UGT1A9: variants seen among roughly 807,000 people sequenced by gnomAD.
The protein encoded by UGT1A9 is UDP glucuronosyltransferase family 1 member A9.
In UGT1A9, 35 loss-of-function variants were observed where a neutral mutation model predicts 45.0. That is an observed-to-expected ratio of 0.78 (90% CI 0.59 to 1.03). The LOEUF (loss-of-function observed/expected upper bound fraction) is 1.03. Among genes scored for constraint, UGT1A9 ranks in the 50% least tolerant of loss-of-function variants. The probability of loss-of-function intolerance (pLI) is 0.00; values close to 1 mark genes in which losing one functional copy is unlikely to be tolerated. For synonymous variants in UGT1A9, 278 were observed against 250.6 expected, an observed-to-expected ratio of 1.11 and a Z score of -1.03; for missense variants, 687 against 666.6, an observed-to-expected ratio of 1.03 and a Z score of -0.34.
intron 1 of UGT1A9, among the ~76,000 whole-genome samples, chr2:233,715,001 C>G (rs1309641293): frequency 6.6e-6 from 1 of 152,178 alleles, no homozygotes; most frequent in Admixed American, 6.5e-5. Context: ...CTCAGCCTCC[C>G]AAGTAGCTGG....
chr2:233,732,318 G>A (rs1386419482), intron 1 of UGT1A9, among the ~76,000 whole-genome samples: 3 of 152,170 alleles, frequency 2.0e-5, no homozygotes, highest in African/African-American at 7.2e-5. Flanking sequence ...GTCTATTTTG[G>A]CTTTTGTTGC....
At chr2:233,759,132 G>A (rs532304308) in intron 1 of UGT1A9, among the ~76,000 whole-genome samples, 12 of 152,322 alleles carry the variant, frequency 7.9e-5, no homozygotes, top group Non-Finnish European at 1.8e-4. Context: ...CCTCTGGTAC[G>A]CAATGAAGGT....
At chr2:233,684,747 A>G (rs1371238360) in intron 1 of UGT1A9, among the ~76,000 whole-genome samples, 1 of 152,136 alleles carries the variant, frequency 6.6e-6, no homozygotes, top group Non-Finnish European at 1.5e-5. Context: ...TATAATTATC[A>G]AAGAAGAATT....
At chr2:233,762,292 A>G (rs1037418079) in intron 1 of UGT1A9, among the ~76,000 whole-genome samples, 1 of 152,236 alleles carries the variant, frequency 6.6e-6, no homozygotes, top group Non-Finnish European at 1.5e-5. Context: ...GAAAGGTGCC[A>G]ACCGAGGTCT....
At chr2:233,762,564 C>T (rs537495402) in intron 1 of UGT1A9, among the ~76,000 whole-genome samples, 6 of 152,312 alleles carry the variant, frequency 3.9e-5, no homozygotes, top group African/African-American at 1.4e-4. Context: ...GAGATCTAGT[C>T]TAGTTCCCCA....
chr2:233,750,907 A>G (rs908558459), intron 1 of UGT1A9, among the ~76,000 whole-genome samples: 1 of 151,862 alleles, frequency 6.6e-6, no homozygotes, highest in Non-Finnish European at 1.5e-5. Flanking sequence ...TCTGCTAGAG[A>G]AGGGTGGTAA....
chr2:233,735,646 T>C (rs1050886537), intron 1 of UGT1A9, among the ~76,000 whole-genome samples: 1 of 152,236 alleles, frequency 6.6e-6, no homozygotes, highest in South Asian at 2.1e-4. Flanking sequence ...CAGTGGCTGG[T>C]ACTGGTGTTT....
At chr2:233,718,793 C>T in intron 1 of UGT1A9, 2 of 1,613,146 alleles carry the variant, frequency 1.2e-6, no homozygotes, top group Non-Finnish European at 1.7e-6. Flanking sequence ...GTGGGGTGGA[C>T]AGTCAGCTGT....
At chr2:233,765,047 G>T (rs1698737192) in intron 1 of UGT1A9, among the ~76,000 whole-genome samples, 1 of 151,990 alleles carries the variant, frequency 6.6e-6, no homozygotes, top group Non-Finnish European at 1.5e-5. Context: ...AATTGCGTTT[G>T]CTGAGCCCTG....
intron 1 of UGT1A9, among the ~76,000 whole-genome samples, chr2:233,727,837 G>A (rs564392450): frequency 6.6e-6 from 1 of 152,316 alleles, no homozygotes; most frequent in Non-Finnish European, 1.5e-5. Context: ...TGTTATCAAT[G>A]TGGAGTAATT....
chr2:233,754,982 G>A (rs777457239), intron 1 of UGT1A9: 2 of 1,295,872 alleles, frequency 1.5e-6, no homozygotes, highest in African/African-American at 3.0e-5. Flanking sequence ...AGACCTCGGC[G>A]GGGTCACGGA....
chr2:233,713,285 A>G lies in UGT1A9; in HGVS notation c.855+40496A>G, dbSNP rs762192447. 2.5e-6 allele frequency: 4 copies of G among 1,614,230 alleles called. 1 individual carries two copies. Among genetic ancestry groups the G allele is most frequent in the South Asian group, 2.2e-5 (2 of 91,084 alleles). ...ATCGCCTTTTGCTGGGTCACACTCA[A>G]TCGTTCTTTGAAACAGAACATCTTC... On this transcript the variant is annotated intron_variant, in intron 1 of 4. Transcript: ENST00000354728.
chr2:233,754,088 A>G (rs1438865323), intron 1 of UGT1A9, among the ~76,000 whole-genome samples: 2 of 152,224 alleles, frequency 1.3e-5, no homozygotes, highest in Non-Finnish European at 2.9e-5. Context: ...TTTTATCTAA[A>G]TAATGGTCAA....
chr2:233,767,992 C>T, intron 3 of UGT1A9, 56 bp downstream of exon 3: 1 of 1,614,084 alleles, frequency 6.2e-7, no homozygotes, highest in South Asian at 1.1e-5. Flanking sequence ...AAGAAAATGG[C>T]TTAAGCACAG....
At chr2:233,712,852 G>A (rs2076258090) in intron 1 of UGT1A9, 16 of 1,544,082 alleles carry the variant, frequency 1.0e-5, no homozygotes, top group Non-Finnish European at 1.4e-5. Context: ...CGGGTAATAA[G>A]TAACTGGAGG....
chr2:233,693,345 A>G (rs1317814742), intron 1 of UGT1A9: 1 of 1,614,210 alleles, frequency 6.2e-7, no homozygotes, highest in East Asian at 2.2e-5. Flanking sequence ...GAGTACAGGA[A>G]TAACATGATT....
chr2:233,712,754 C>G (rs910147754), intron 1 of UGT1A9, among the ~76,000 whole-genome samples: 49 of 151,866 alleles, frequency 3.2e-4, no homozygotes, highest in Admixed American at 2.4e-3. Context: ...TTCCCCAGAG[C>G]GAGCGCAAGG....
At chr2:233,760,382 T>G (rs1697426202) in intron 1 of UGT1A9, 1 of 1,614,082 alleles carries the variant, frequency 6.2e-7, no homozygotes, top group African/African-American at 1.3e-5. Context: ...AAGATACTGT[T>G]GATCCCAGTG....
In UGT1A9 at chr2:233,725,005, C is replaced by T. The variant is rs1205607932; in HGVS notation, c.856-42029C>T. 3.6e-4 allele frequency among the ~76,000 whole-genome samples: 53 copies of T among 147,398 alleles called. 3 individuals carry two copies. The highest frequency in any genetic ancestry group is 1.3e-3 in the African/African-American group (50 of 39,416). The stretch of plus-strand genomic sequence containing the variant: ...CGCGGTTAGGGGCTGGAGACCGGCC[C>T]GGCCAAACAGCAAAACCCGGTCTCC... On this transcript the variant is annotated intron_variant, in intron 1 of 4. Transcript: ENST00000354728.
Sources: allele counts gnomAD v4.1 joint callset (sites outside exome capture counted in the v4.1 genomes callset), GRCh38; gene constraint gnomAD v4.1.1; transcripts MANE v1.5; gene names NCBI Gene and HGNC (gene_info 2026-07-23, HGNC 2026-07-21).